The following SF3B2 variants were observed in gnomAD, a reference collection of about 807,000 sequenced individuals.
The protein encoded by SF3B2 is SAP 145.
Under a neutral mutation model 116.3 loss-of-function variants are expected in SF3B2, and 22 were observed. That is an observed-to-expected ratio of 0.19 (90% CI 0.14 to 0.27). SF3B2 has a LOEUF of 0.27. Among genes scored for constraint, SF3B2 ranks in the 10% least tolerant of loss-of-function variants. The pLI, the probability that SF3B2 is intolerant of heterozygous loss-of-function variation, is 1.00. For missense variants in SF3B2, 767 were observed against 1,151.4 expected (o/e 0.67, Z 4.83); for synonymous variants, 406 against 421.6 (o/e 0.96, Z 0.45).
At chr11:66,064,216 G>A (rs1857142477) in intron 19 of SF3B2, among the ~76,000 whole-genome samples, 1 of 152,148 alleles carries the variant, frequency 6.6e-6, no homozygotes, top group Non-Finnish European at 1.5e-5. Flanking sequence ...TATCCATTCT[G>A]CTCTTTGTTC....
At chr11:66,068,438 C>T in intron 21 of SF3B2, 105 bp downstream of exon 21, 2 of 1,181,434 alleles carry the variant, frequency 1.7e-6, no homozygotes, top group Non-Finnish European at 2.4e-6. Context: ...GTGGCCTCTG[C>T]TTGCTGCTCT....
rs778165978 is a variant in SF3B2, at chr11:66,055,318, A to G, written c.498+3A>G. The G allele has an allele frequency of 1.2e-6, 2 of 1,610,678 alleles. No individual in the cohort carries two copies. The highest frequency in any genetic ancestry group is 1.7e-6 in the Non-Finnish European group (2 of 1,178,592). ...AGCAGGAGGAGCGTGCCAAGCAGGT[A>G]GGGCAGGTGGCAGCCCTGGCCTTGG... is the stretch of plus-strand genomic sequence containing the variant. On this transcript the variant is annotated splice_donor_region_variant and intron_variant, in intron 4 of 21. Coordinates refer to ENST00000322535, the MANE Select transcript of SF3B2 (RefSeq NM_006842.3).
intron 2 of SF3B2, 21 bp from the exon 3 acceptor site, chr11:66,053,006 A>G (rs760186679): frequency 1.2e-6 from 2 of 1,612,668 alleles, no homozygotes; most frequent in East Asian, 2.2e-5. Context: ...GGACTGACCT[A>G]GAGTCCTTTC....
intron 5 of SF3B2, among the ~76,000 whole-genome samples, chr11:66,056,451 C>G (rs968564692): frequency 6.9e-6 from 1 of 145,782 alleles, no homozygotes; most frequent in Non-Finnish European, 1.5e-5. Flanking sequence ...GGGTAAAGTA[C>G]TGTCTTTGCC....
chr11:66,065,586 AT>A (rs1857168769), intron 19 of SF3B2: 1 of 152,164 alleles, frequency 6.6e-6, no homozygotes, highest in Non-Finnish European at 1.5e-5. Flanking sequence ...GGGAACTCAA[AT>A]TATTCCTCTA....
rs1180364957 is a variant in SF3B2 at position 66,053,025 on chromosome 11, A to G, written c.181-2A>G. Reference sequence around the variant, plus strand: ...TGACCTAGAGTCCTTTCTCTTTTGCAGACTGGCATCGTGCTGAATCGGCCG... The same window carrying G: ...TGACCTAGAGTCCTTTCTCTTTTGCGGACTGGCATCGTGCTGAATCGGCCG... On this transcript the variant is annotated splice_acceptor_variant, in intron 2 of 21. Coordinates refer to ENST00000322535, the MANE Select transcript of SF3B2 (RefSeq NM_006842.3). LOFTEE classifies it high-confidence loss of function. 5 of 1,614,174 alleles carry G rather than the reference A, an allele frequency of 3.1e-6. No homozygotes were observed. Among genetic ancestry groups the G allele is most frequent in the Non-Finnish European group, 4.2e-6 (5 of 1,179,996 alleles).
chr11:66,056,850 C>T lies in SF3B2; in HGVS notation c.562C>T (p.Leu188=), dbSNP rs780219319. 1 of 1,613,930 alleles carries T rather than the reference C, an allele frequency of 6.2e-7. No individual in the cohort carries two copies. Among genetic ancestry groups the T allele is most frequent in the Non-Finnish European group, 8.5e-7 (1 of 1,179,880 alleles). The change falls in exon 6 of 22, where the codon CTG becomes TTG. Residue 188 remains leucine (L), a synonymous_variant. Coordinates refer to ENST00000322535, the MANE Select transcript of SF3B2 (RefSeq NM_006842.3). The stretch of plus-strand genomic sequence containing the variant: ...TTCCCTCCCGTAGGCAGCTGTGTTA[C>T]TGGAGCAGGAACGACAGCAGGAGAT... ...LEQQKRAAVL[L]EQERQQEIAK... is the part of the protein sequence containing the mutation.
rs1857123487 is a variant in SF3B2, at chr11:66,063,006, C to CA, written c.1978-2dup. The CA allele has an allele frequency of 3.7e-6, 6 of 1,609,630 alleles. No individual in the cohort carries two copies. Among genetic ancestry groups the CA allele is most frequent in the Non-Finnish European group, 5.1e-6 (6 of 1,176,694 alleles). ...TGAACTGATTGTGCTCACTGTCTTG[C>CA]AGAGCTGTTCCTTTGGGTACCATGC... On this transcript the variant is annotated splice_region_variant and splice_polypyrimidine_tract_variant and intron_variant, in intron 16 of 21. Coordinates refer to ENST00000322535, the MANE Select transcript of SF3B2 (RefSeq NM_006842.3).
chr11:66,060,759 G>T (rs138189877), intron 14 of SF3B2, 28 bp downstream of exon 14: 5 of 1,611,804 alleles, frequency 3.1e-6, no homozygotes, highest in Non-Finnish European at 4.2e-6. Context: ...GAGAGGTCAG[G>T]CTGGGCCTTG....
intron 7 of SF3B2, 51 bp from the exon 8 acceptor site, chr11:66,058,003 A>AAAG: frequency 1.5e-6 from 2 of 1,360,398 alleles, no homozygotes; most frequent in Non-Finnish European, 2.0e-6. Flanking sequence ...AAGAAAAAAA[A>AAAG]AAGAAAAAGG....
At position 66,059,247 on chromosome 11, in the gene SF3B2, T is replaced by C; in HGVS notation, c.1229T>C (p.Leu410Pro). 1 of 1,613,942 alleles carries C rather than the reference T, an allele frequency of 6.2e-7. No homozygotes were observed. The highest frequency in any genetic ancestry group is 8.5e-7 in the Non-Finnish European group (1 of 1,179,974). Residue 410 changes from leucine to proline, a missense_variant, in exon 11 of 22, where the codon CTT (leucine) becomes CCT (proline). Leu to Pro is a moderately conservative substitution (Grantham distance 98). This residue lies in a region of SF3B2 where 455 missense variants were observed against 537.5 expected (regional missense o/e 0.85). Transcript: ENST00000322535. The surrounding 1 kb of genome is among the most constrained non-coding windows in gnomAD (Gnocchi z 5.0). ...GAGAAAGAGAAGGAGCCAGAGAAAC[T>C]TGACAAACTGGAGAACTCTGCAGCC... Reference protein sequence around the residue: ...KKEKEKEPEKLDKLENSAAPK... With the variant: ...KKEKEKEPEKPDKLENSAAPK...
chr11:66,052,393 G>A lies in SF3B2; in HGVS notation c.9G>A (p.Thr3=), dbSNP rs1482638531. The change falls in exon 1 of 22, where the codon ACG becomes ACA. Residue 3 remains threonine, a synonymous_variant. Transcript: ENST00000322535. MA[T]EHPEPPKAEL... is the part of the protein sequence containing the mutation. ...GCCTTCCTGCGGCTAAGATGGCGAC[G>A]GAGCATCCCGAGCCTCCCAAAGCAG... The A allele has an allele frequency of 1.2e-6, 2 of 1,610,734 alleles. No homozygotes were observed. Among genetic ancestry groups the A allele is most frequent in the Admixed American group, 3.3e-5 (2 of 59,948 alleles).
At chr11:66,060,768 T>C (rs1185651018) in intron 14 of SF3B2, 37 bp downstream of exon 14, 2 of 1,607,398 alleles carry the variant, frequency 1.2e-6, no homozygotes, top group South Asian at 2.2e-5. Flanking sequence ...GGCTGGGCCT[T>C]GGGGTTGAGA....
Position 66,058,930 on chromosome 11 carries a change from G to T in SF3B2, c.1067G>T (p.Arg356Leu), listed in dbSNP as rs760204374. 5.1e-5 allele frequency: 82 copies of T among 1,614,028 alleles called. No individual in the cohort carries two copies. Among genetic ancestry groups the T allele is most frequent in the Non-Finnish European group, 6.5e-5 (77 of 1,180,016 alleles). The part of the protein sequence containing the change: ...SSGDREKDST[R>L]SRGSDSPAAD... ...GGGGACCGGGAGAAAGACTCAACCC[G>T]GTCCCGTGGCTCTGATTCCCCAGCA... The change falls in exon 10 of 22, where the codon CGG becomes CTG. Residue 356 changes from arginine (R) to leucine (L), a missense_variant. Arg to Leu is a moderately radical substitution (Grantham distance 102). Around this residue, in one of 4 missense-constraint regions of SF3B2, gnomAD observed 455 missense variants for 537.5 expected, o/e 0.85. Coordinates refer to ENST00000322535, the MANE Select transcript of SF3B2 (RefSeq NM_006842.3).
At chr11:66,061,159 C>T (rs916286510) in intron 14 of SF3B2, among the ~76,000 whole-genome samples, 11 of 152,124 alleles carry the variant, frequency 7.2e-5, no homozygotes, top group African/African-American at 2.4e-4. Flanking sequence ...CGACTACCCT[C>T]GGATGAGATG....
chr11:66,052,802 C>T, intron 2 of SF3B2, 83 bp downstream of exon 2: 2 of 1,442,488 alleles, frequency 1.4e-6, no homozygotes, highest in Non-Finnish European at 1.9e-6. Context: ...GGTCTTCATT[C>T]TTTCTTTATC....
rs187615832 is a variant in SF3B2 at position 66,057,301 on chromosome 11, A to G, written c.703A>G (p.Thr235Ala). 8.7e-6 allele frequency: 14 copies of G among 1,609,976 alleles called. No individual in the cohort carries two copies. The East Asian group carries it at 3.1e-4, about 36-fold the overall frequency. Residue 235 changes from threonine (T) to alanine (A), a missense_variant, in exon 7 of 22, where the codon ACA becomes GCA. Coordinates refer to ENST00000322535, the MANE Select transcript of SF3B2 (RefSeq NM_006842.3). ...AGTGGGCCCAGTGGGCCCCACTCCTACAGTTTTGCCCATGGGAGCCCCTGT... is the reference window on the plus strand; with the variant it reads ...AGTGGGCCCAGTGGGCCCCACTCCTGCAGTTTTGCCCATGGGAGCCCCTGT... Reference protein sequence around the residue: ...APVGPVGPTPTVLPMGAPVPR... With the variant: ...APVGPVGPTPAVLPMGAPVPR...
chr11:66,055,368 G>T (rs1856975698), intron 4 of SF3B2, 53 bp downstream of exon 4: 4 of 1,593,484 alleles, frequency 2.5e-6, no homozygotes, highest in Non-Finnish European at 3.4e-6. Flanking sequence ...TGAAGGGGCA[G>T]TGGAGCCTTA....
At chr11:66,065,756 T>G (rs577560411) in intron 19 of SF3B2, 1 of 152,338 alleles carries the variant, frequency 6.6e-6, no homozygotes, top group South Asian at 2.1e-4. Flanking sequence ...CTAACAGTAA[T>G]CCCATACAAT....
Sources: gnomAD v4.1 joint callset for allele counts (sites outside exome capture counted in the v4.1 genomes callset) on GRCh38, gnomAD v4.1.1 for gene constraint, gnomAD v4.1.1 regional missense constraint, Gnocchi (gnomAD v3.1) non-coding constraint, MANE v1.5 for transcripts, NCBI Gene and HGNC (gene_info 2026-07-23, HGNC 2026-07-21) for gene names.